THOC5: variants seen among roughly 807,000 people sequenced by gnomAD.
The protein encoded by THOC5 is Fms-interacting protein.
THOC5 carries 43 observed loss-of-function variants against 92.9 expected under a neutral mutation model. The ratio of observed to expected loss-of-function variants is 0.46; its 90% CI spans 0.36 to 0.60. The LOEUF (loss-of-function observed/expected upper bound fraction) is 0.60, where lower values mean the gene tolerates loss of function less well. Among genes scored for constraint, THOC5 ranks in the 20% least tolerant of loss-of-function variants. The pLI is 0.00. For missense variants in THOC5, 659 were observed against 849.4 expected, an observed-to-expected ratio of 0.78 and a Z score of 2.79; for synonymous variants, 296 against 320.1, an observed-to-expected ratio of 0.92 and a Z score of 0.80.
chr22:29,546,720 G>A (rs1316094), intron 2 of THOC5, among the ~76,000 whole-genome samples: 130,698 of 152,062 alleles, frequency 0.86, 56,624 homozygotes, highest in African/African-American at 0.96. Context: ...GATTACAAGC[G>A]TGAGCCACCG....
intron 2 of THOC5, among the ~76,000 whole-genome samples, chr22:29,547,979 T>C (rs1211511551): frequency 6.6e-6 from 1 of 152,178 alleles, no homozygotes; most frequent in Non-Finnish European, 1.5e-5. Context: ...TGAAAGGCAC[T>C]TTTTACATGG....
At chr22:29,534,313 C>A (rs1427825701) in intron 7 of THOC5, among the ~76,000 whole-genome samples, 2 of 152,150 alleles carry the variant, frequency 1.3e-5, no homozygotes, top group African/African-American at 4.8e-5. Context: ...AAGGAGCTTC[C>A]AGGAAATTGT....
At chr22:29,531,998 TTTAGCCAGTCCACACAGGAAAAAG>T in intron 7 of THOC5, 35 bp from the exon 8 acceptor site, 2 of 1,610,004 alleles carry the variant, frequency 1.2e-6, no homozygotes, top group Non-Finnish European at 1.7e-6. Context: ...TTCTTCCTTT[TTTAGCCAGTCCACACAGGAAAAAG>T]TGGCTACTTA....
chr22:29,509,481 C>T (rs918055896), intron 19 of THOC5, among the ~76,000 whole-genome samples: 3 of 152,122 alleles, frequency 2.0e-5, no homozygotes, highest in Admixed American at 6.6e-5. Flanking sequence ...CCACCAGCTC[C>T]ACCTCCCAGC....
rs184743193 is a variant in THOC5 at position 29,519,402 on chromosome 22, A to G, written c.1375-282T>C. Among the ~76,000 whole-genome samples, 12 of 152,360 alleles carry G rather than the reference A, an allele frequency of 7.9e-5. No individual in the cohort carries two copies. The East Asian group carries it at 1.9e-3, about 25-fold the overall frequency. ...CCCCCTGGATTTCTGCTCATGCCTC[A>G]TATTTGGTACTTGCACACAAGAACA... is the stretch of plus-strand genomic sequence containing the variant. On this transcript the variant is annotated intron_variant, in intron 14 of 19. Coordinates refer to ENST00000490103, the MANE Select transcript of THOC5 (RefSeq NM_003678.5).
intron 18 of THOC5, 125 bp downstream of exon 18, chr22:29,511,896 C>T (rs1239838798): frequency 2.5e-6 from 2 of 796,334 alleles, no homozygotes; most frequent in African/African-American, 1.7e-5. Context: ...TCTGCAAATC[C>T]TGGCACAACC....
At chr22:29,553,590 C>A (rs764242613) in intron 1 of THOC5, 81 bp downstream of exon 1, 29 of 152,726 alleles carry the variant, frequency 1.9e-4, no homozygotes, top group Admixed American at 3.3e-4. Context: ...CAGGGGCGCC[C>A]TTTGGGCGAT....
rs1555954659 is a variant in THOC5 at position 29,511,078 on chromosome 22, G to A, written c.1988+28C>T. ...TCTCTGTCCCACATCACCATGAGAA[G>A]TCACCAGAGCCCCAACCCTCTCCTC... is the stretch of plus-strand genomic sequence containing the variant. On this transcript the variant is annotated intron_variant, in intron 19 of 19. Coordinates refer to ENST00000490103, the MANE Select transcript of THOC5 (RefSeq NM_003678.5). 1.9e-6 allele frequency: 3 copies of A among 1,601,588 alleles called. No homozygotes were observed. In the Admixed American group the frequency reaches 5.0e-5, roughly 27 times the overall value.
chr22:29,552,600 C>T lies in THOC5; in HGVS notation c.-12+1071G>A, dbSNP rs535841497. ...TGGGGGCCAGCCCCAGCCCGGCCAG[C>T]CGCCCCGTCGGGTCGGGGGTAGGGG... On this transcript the variant is annotated intron_variant, in intron 1 of 19. Transcript: ENST00000490103. 1.0e-3 allele frequency among the ~76,000 whole-genome samples: 158 copies of T among 150,808 alleles called. 1 individual carries two copies. The highest frequency in any genetic ancestry group is 3.7e-3 in the African/African-American group (152 of 41,116).
At chr22:29,548,112 T>G (rs1293092816) in intron 2 of THOC5, among the ~76,000 whole-genome samples, 2 of 152,176 alleles carry the variant, frequency 1.3e-5, no homozygotes, top group Admixed American at 1.3e-4. Flanking sequence ...CATGATTCAA[T>G]TACCTCCTCG....
chr22:29,545,042 G>A (rs2063986619), intron 2 of THOC5: 2 of 428,334 alleles, frequency 4.7e-6, no homozygotes, highest in Admixed American at 2.7e-5. Context: ...GGAACAAAAA[G>A]AGGTTTAATT....
intron 17 of THOC5, chr22:29,514,097 T>C (rs1290692409): frequency 6.6e-6 from 1 of 151,456 alleles, no homozygotes; most frequent in Non-Finnish European, 1.5e-5. Flanking sequence ...ATTACAGGCA[T>C]GCGCCACCGC....
intron 12 of THOC5, among the ~76,000 whole-genome samples, chr22:29,522,829 C>A (rs1349572610): frequency 6.6e-6 from 1 of 151,888 alleles, no homozygotes; most frequent in Non-Finnish European, 1.5e-5. Context: ...GGTGAAACCC[C>A]GTCTCTACTG....
At chr22:29,540,454 A>C (rs1394864925) in intron 5 of THOC5, among the ~76,000 whole-genome samples, 1 of 152,136 alleles carries the variant, frequency 6.6e-6, no homozygotes, top group East Asian at 1.9e-4. Flanking sequence ...TTTTTGACTG[A>C]GATGGAGGCT....
chr22:29,528,068 G>A lies in THOC5; in HGVS notation c.1066+10C>T. ...TACAGATCCCTTAAACAAGGTGAGTGCAACCAGACCTTTGCACTTCAGGTC... is the reference window on the plus strand; with the variant it reads ...TACAGATCCCTTAAACAAGGTGAGTACAACCAGACCTTTGCACTTCAGGTC... On this transcript the variant is annotated intron_variant, in intron 11 of 19. Transcript: ENST00000490103. The A allele has an allele frequency of 6.2e-7, 1 of 1,614,068 alleles. No homozygotes were observed. The highest frequency in any genetic ancestry group is 1.1e-5 in the South Asian group (1 of 91,082).
chr22:29,541,786 G>A (rs1283652202), intron 5 of THOC5, among the ~76,000 whole-genome samples: 20 of 140,106 alleles, frequency 1.4e-4, no homozygotes, highest in Non-Finnish European at 2.3e-4. Context: ...GCGTGAACCC[G>A]GGAGGCGGAG....
chr22:29,533,693 C>T (rs1236035273), intron 7 of THOC5, among the ~76,000 whole-genome samples: 1 of 152,174 alleles, frequency 6.6e-6, no homozygotes, highest in Non-Finnish European at 1.5e-5. Context: ...AGGCAAAAGA[C>T]TTGCCTAGAC....
intron 3 of THOC5, 112 bp from the exon 4 acceptor site, chr22:29,543,654 G>T: frequency 1.6e-6 from 1 of 631,942 alleles, no homozygotes; most frequent in Non-Finnish European, 2.8e-6. Flanking sequence ...ACCGGAGGGA[G>T]CTCAGAACCA....
At position 29,543,456 on chromosome 22, in the gene THOC5, C is replaced by T. The variant is rs1365852278; in HGVS notation, c.327G>A (p.Leu109=). 6.2e-7 allele frequency: 1 copy of T among 1,606,710 alleles called. No individual in the cohort carries two copies. The highest frequency in any genetic ancestry group is 1.1e-5 in the South Asian group (1 of 90,948). The change falls in exon 4 of 20, where the codon TTG becomes TTA. Residue 109 remains leucine, a synonymous_variant. Coordinates refer to ENST00000490103, the MANE Select transcript of THOC5 (RefSeq NM_003678.5). ...KKLNRLAHIR[L]KKGRDQTHEA... ...CGTGGGTCTGATCTCTTCCTTTCTTCAACCTGATGTGGGCTAATCGGTTAA... is the reference window on the plus strand; with the variant it reads ...CGTGGGTCTGATCTCTTCCTTTCTTTAACCTGATGTGGGCTAATCGGTTAA...
Sources: gnomAD v4.1 joint callset for allele counts (sites outside exome capture counted in the v4.1 genomes callset) on GRCh38, gnomAD v4.1.1 for gene constraint, MANE v1.5 for transcripts, NCBI Gene and HGNC (gene_info 2026-07-23, HGNC 2026-07-21) for gene names.